The following CRYM variants were observed in gnomAD, a reference collection of about 807,000 sequenced individuals.
CRYM encodes the protein crystallin mu, also known as ketimine reductase mu-crystallin.
In CRYM, 18 loss-of-function variants were observed where a neutral mutation model predicts 32.9. The observed-to-expected ratio is 0.55, with a 90% CI of 0.38 to 0.81. The LOEUF (loss-of-function observed/expected upper bound fraction) is 0.81, where lower values mean the gene tolerates loss of function less well. Ranked by LOEUF, CRYM falls within the 30% of genes least tolerant of loss-of-function variation. The pLI, the probability that CRYM is intolerant of heterozygous loss-of-function variation, is 0.00. For missense variants in CRYM, 337 were observed against 393.5 expected (o/e 0.86, Z 1.21); for synonymous variants, 153 against 152.4 (o/e 1.00, Z -0.03).
At chr16:21,267,817 A>C in intron 4 of CRYM, 80 bp from the exon 5 acceptor site, 1 of 1,387,240 alleles carries the variant, frequency 7.2e-7, no homozygotes, top group Non-Finnish European at 1.0e-6. Context: ...ATGCGGAGGG[A>C]AAGTTGAACT....
At chr16:21,269,334 G>A (rs570849980) in intron 4 of CRYM, among the ~76,000 whole-genome samples, 13 of 152,088 alleles carry the variant, frequency 8.5e-5, no homozygotes, top group South Asian at 2.1e-4. Context: ...AGCATGAGAC[G>A]CAGTGGGGGG....
In CRYM at chr16:21,260,102, T is replaced by C. The variant is rs185447878; in HGVS notation, c.880+1152A>G. Among the ~76,000 whole-genome samples the C allele has an allele frequency of 1.2e-3, 190 of 152,310 alleles. 1 individual carries two copies. The highest frequency in any genetic ancestry group is 4.4e-3 in the African/African-American group (181 of 41,584). ...TTACCAACCTGCAAGGCATGGATACTTAACCAATGGCATGGGCTCTGGGTG... is the reference window on the plus strand; with the variant it reads ...TTACCAACCTGCAAGGCATGGATACCTAACCAATGGCATGGGCTCTGGGTG... On this transcript the variant is annotated intron_variant, in intron 7 of 7. Coordinates refer to ENST00000572914, the MANE Select transcript of CRYM (RefSeq NM_001376256.1).
chr16:21,275,592 G>T lies in CRYM; in HGVS notation c.327C>A (p.Val109=). The T allele has an allele frequency of 6.2e-7, 1 of 1,613,652 alleles. No individual in the cohort carries two copies. Among genetic ancestry groups the T allele is most frequent in the South Asian group, 1.1e-5 (1 of 91,024 alleles). Residue 109 remains valine (V), a splice_region_variant and synonymous_variant, in exon 3 of 8, where the codon GTC becomes GTA. Coordinates refer to ENST00000572914, the MANE Select transcript of CRYM (RefSeq NM_001376256.1). Reference sequence around the variant, plus strand: ...TTGCAGTTATGACATTTCCATCCATGACCTTGGAGGAAAAGAGAGACAGTG... The same window carrying T: ...TTGCAGTTATGACATTTCCATCCATTACCTTGGAGGAAAAGAGAGACAGTG... ...FEPSNGTLLA[V]MDGNVITAKR... is the part of the protein sequence containing the mutation.
chr16:21,274,705 A>G (rs577780517), intron 3 of CRYM, among the ~76,000 whole-genome samples: 1 of 152,100 alleles, frequency 6.6e-6, no homozygotes, highest in South Asian at 2.1e-4. Context: ...TCCTGAGTTC[A>G]AACGTTTCTC....
Position 21,261,284 on chromosome 16 carries a change from AGT to A in CRYM, c.848_849del (p.His283LeufsTer2). On this transcript the variant is annotated frameshift_variant, in exon 7 of 8. Transcript: ENST00000572914. LOFTEE classifies it high-confidence loss of function. ...GEVIKGVKPA[H>X]CEKTTVFKSL... ...GACTTGAACACGGTGGTCTTCTCACAGTGGGCTGGTTTCACTCCCTTAATCAC... is the reference window on the plus strand; with the variant it reads ...GACTTGAACACGGTGGTCTTCTCACAGGGCTGGTTTCACTCCCTTAATCAC... 1 of 1,614,036 alleles carries A rather than the reference AGT, an allele frequency of 6.2e-7. No individual in the cohort carries two copies. The highest frequency in any genetic ancestry group is 8.5e-7 in the Non-Finnish European group (1 of 1,179,952).
chr16:21,287,480 C>A (rs969086402), intron 1 of CRYM, among the ~76,000 whole-genome samples: 1 of 151,960 alleles, frequency 6.6e-6, no homozygotes, highest in Admixed American at 6.6e-5. Context: ...ATAAAGTGAC[C>A]CCAGGAAGGC....
At chr16:21,294,288 T>A (rs1393269114) in intron 1 of CRYM, among the ~76,000 whole-genome samples, 1 of 152,208 alleles carries the variant, frequency 6.6e-6, no homozygotes, top group Non-Finnish European at 1.5e-5. Context: ...TTTGGACCGT[T>A]TTCCCTGGCT....
chr16:21,276,128 A>G (rs917840188), intron 2 of CRYM, among the ~76,000 whole-genome samples: 3 of 152,182 alleles, frequency 2.0e-5, no homozygotes, highest in African/African-American at 7.2e-5. Flanking sequence ...GGTGATTCCG[A>G]TACACAGCGA....
At chr16:21,261,790 C>G (rs1421221233) in intron 6 of CRYM, 6 of 514,210 alleles carry the variant, frequency 1.2e-5, no homozygotes, top group Non-Finnish European at 1.8e-5. Context: ...AGAGGACAGC[C>G]CAGCAAAAAA....
chr16:21,278,261 T>G lies in CRYM; in HGVS notation c.-10A>C, dbSNP rs759967191. 1 of 1,582,998 alleles carries G rather than the reference T, an allele frequency of 6.3e-7. No individual in the cohort carries two copies. Among genetic ancestry groups the G allele is most frequent in the Non-Finnish European group, 8.6e-7 (1 of 1,169,274 alleles). On this transcript the variant is annotated 5_prime_UTR_variant, in exon 1 of 8. Coordinates refer to ENST00000572914, the MANE Select transcript of CRYM (RefSeq NM_001376256.1). ...CTGGTACCCGGCTCATCTCGCCACC[T>G]GTGCCTTCTAACCTCAGTCTCCGCA...
At chr16:21,266,678 T>C (rs2093364333) in intron 5 of CRYM, among the ~76,000 whole-genome samples, 1 of 152,230 alleles carries the variant, frequency 6.6e-6, no homozygotes, top group Non-Finnish European at 1.5e-5. Context: ...CATTTTAGAA[T>C]TGAGCTGTGA....
At chr16:21,259,265 A>ATT (rs1281879181) in intron 7 of CRYM, among the ~76,000 whole-genome samples, 12 of 142,522 alleles carry the variant, frequency 8.4e-5, no homozygotes, top group African/African-American at 2.6e-4. Context: ...TGCCTGGCTA[A>ATT]TTTTTTTTTT....
chr16:21,295,131 A>G (rs558077375), intron 1 of CRYM, among the ~76,000 whole-genome samples: 1 of 152,304 alleles, frequency 6.6e-6, no homozygotes, highest in East Asian at 1.9e-4. Flanking sequence ...ATAAACATAC[A>G]TGTGCATGTG....
rs1200935353 is a variant in CRYM at position 21,275,524 on chromosome 16, C to T, written c.387+8G>A. On this transcript the variant is annotated splice_region_variant and intron_variant, in intron 3 of 7. Transcript: ENST00000572914. ...CACCTTAATGGTACAGCCAGCCATT[C>T]ATCTTACCTTGGTGGCAATGGCAGA... The T allele has an allele frequency of 3.7e-6, 6 of 1,612,788 alleles. No homozygotes were observed. The highest frequency in any genetic ancestry group is 5.1e-6 in the Non-Finnish European group (6 of 1,178,926).
chr16:21,274,582 G>A (rs1209826881), intron 3 of CRYM, among the ~76,000 whole-genome samples: 1 of 151,986 alleles, frequency 6.6e-6, no homozygotes, highest in Non-Finnish European at 1.5e-5. Context: ...AAACTCAACA[G>A]ATGTTTTTGT....
chr16:21,283,645 G>T (rs1379899297), intron 1 of CRYM: 1 of 150,792 alleles, frequency 6.6e-6, no homozygotes, highest in African/African-American at 2.4e-5. Flanking sequence ...GTGGTCTGGG[G>T]CTCTTGGGAG....
chr16:21,299,801 C>T (rs1960866761), intron 1 of CRYM: 1 of 152,194 alleles, frequency 6.6e-6, no homozygotes. Context: ...TTTGTATTAA[C>T]CTCCTCTATC....
At chr16:21,287,133 T>C (rs933409711) in intron 1 of CRYM, among the ~76,000 whole-genome samples, 21 of 152,238 alleles carry the variant, frequency 1.4e-4, no homozygotes, top group African/African-American at 5.1e-4. Flanking sequence ...AATTTGAAAT[T>C]TGATTTTTGG....
Position 21,258,588 on chromosome 16 carries a change from G to A in CRYM, c.*193C>T. On this transcript the variant is annotated 3_prime_UTR_variant, in exon 8 of 8. Coordinates refer to ENST00000572914, the MANE Select transcript of CRYM (RefSeq NM_001376256.1). Reference sequence around the variant, plus strand: ...AAATGAATGCTATTATAACTTGGTAGAACAGAAGAAATGGCTACCTAGCTT... The same window carrying A: ...AAATGAATGCTATTATAACTTGGTAAAACAGAAGAAATGGCTACCTAGCTT... 1 of 637,386 alleles carries A rather than the reference G, an allele frequency of 1.6e-6. No homozygotes were observed. Among genetic ancestry groups the A allele is most frequent in the East Asian group, 2.8e-5 (1 of 36,030 alleles). The allele number at this position is 637,386 out of a possible 1,614,324, so 39.5% of individuals were successfully genotyped here. A position where few individuals can be genotyped will look rare whatever the true frequency, so the allele number is the denominator to read the frequency against.
Sources: gnomAD v4.1 joint callset for allele counts (sites outside exome capture counted in the v4.1 genomes callset) on GRCh38, gnomAD v4.1.1 for gene constraint, MANE v1.5 for transcripts, NCBI Gene and HGNC (gene_info 2026-07-23, HGNC 2026-07-21) for gene names.